The following ZNF536 variants were observed in gnomAD, a reference collection of about 807,000 sequenced individuals.
The protein encoded by ZNF536 is zinc finger protein 536.
ZNF536 carries 13 observed loss-of-function variants against 84.5 expected under a neutral mutation model. That is an observed-to-expected ratio of 0.15 (90% CI 0.10 to 0.24). The LOEUF (loss-of-function observed/expected upper bound fraction) is 0.24. Ranked by LOEUF, ZNF536 falls within the 10% of genes least tolerant of loss-of-function variation. ZNF536 has a pLI of 1.00. For synonymous variants in ZNF536, 811 were observed against 742.5 expected, an observed-to-expected ratio of 1.09 and a Z score of -1.50; for missense variants, 1,536 against 1,747.5, an observed-to-expected ratio of 0.88 and a Z score of 2.16.
chr19:30,309,562 G>C (rs2046437083), intron 2 of ZNF536, among the ~76,000 whole-genome samples: 2 of 152,218 alleles, frequency 1.3e-5, no homozygotes. Flanking sequence ...CTTGTGTGCT[G>C]TGAGTTCTTG....
chr19:30,428,405 T>G (rs138842760), intron 1 of ZNF536, among the ~76,000 whole-genome samples: 1 of 152,224 alleles, frequency 6.6e-6, no homozygotes, highest in Non-Finnish European at 1.5e-5. Flanking sequence ...AAGTTGCCCC[T>G]TGGGACTCAG....
chr19:30,264,628 T>G (rs2025403908), intron 1 of ZNF536, among the ~76,000 whole-genome samples: 2 of 152,184 alleles, frequency 1.3e-5, no homozygotes, highest in Non-Finnish European at 1.5e-5. Context: ...AAAACCTTTC[T>G]CCCACTTTCT....
At chr19:30,298,452 C>T (rs745907074) in intron 2 of ZNF536, among the ~76,000 whole-genome samples, 5 of 152,204 alleles carry the variant, frequency 3.3e-5, no homozygotes, top group African/African-American at 4.8e-5. Context: ...CTCTTGATGA[C>T]CATTTGCGTG....
At chr19:30,657,076 G>T (rs573547376) in intron 1 of ZNF536, among the ~76,000 whole-genome samples, 1 of 152,132 alleles carries the variant, frequency 6.6e-6, no homozygotes, top group African/African-American at 2.4e-5. Flanking sequence ...GGTGTGAAAA[G>T]TGTAGAAAGA....
At chr19:30,227,979 G>T (rs1292461746), upstream of ZNF536, among the ~76,000 whole-genome samples, 1 of 152,128 alleles carries the variant, frequency 6.6e-6, no homozygotes, top group Non-Finnish European at 1.5e-5. Flanking sequence ...AGCCCCGCGC[G>T]CCCTGACCTT....
chr19:30,526,491 G>A lies in ZNF536; in HGVS notation c.2171-8356G>A, dbSNP rs567334193. ...TGTAATCCCAGCACTTTGGGAGGCCGAGGCGGGCGGATCACGAGGTCAGGA... is the reference window on the plus strand; with the variant it reads ...TGTAATCCCAGCACTTTGGGAGGCCAAGGCGGGCGGATCACGAGGTCAGGA... On this transcript the variant is annotated intron_variant, in intron 2 of 4. Transcript: ENST00000355537. Among the ~76,000 whole-genome samples the A allele has an allele frequency of 8.7e-5, 13 of 149,538 alleles. 2 individuals are homozygous for A. The East Asian group carries it at 1.6e-3, about 18-fold the overall frequency.
intron 1 of ZNF536, among the ~76,000 whole-genome samples, chr19:30,283,737 GA>G (rs2045533561): frequency 1.4e-5 from 2 of 141,782 alleles, no homozygotes; most frequent in African/African-American, 5.6e-5. Context: ...GAAAGAGAGA[GA>G]GAGGGAGAGA....
intron 2 of ZNF536, among the ~76,000 whole-genome samples, chr19:30,456,624 G>A (rs2052859699): frequency 6.6e-6 from 1 of 152,130 alleles, no homozygotes; most frequent in African/African-American, 2.4e-5. Flanking sequence ...TGACTTATTT[G>A]TTCATTCATA....
Position 30,685,762 on chromosome 19 carries a change from G to T in ZNF536, c.170-24995G>T, listed in dbSNP as rs186678002. The stretch of plus-strand genomic sequence containing the variant: ...TGGGGGCACCGTCCCAGCCGCTGCC[G>T]CCGTCCTCCCCTCCATCATGGGCTG... On this transcript the variant is annotated intron_variant, in intron 1 of 1. Transcript: ENST00000592773. Among the ~76,000 whole-genome samples the T allele has an allele frequency of 1.4e-3, 218 of 152,248 alleles. 1 individual carries two copies. Among genetic ancestry groups the T allele is most frequent in the African/African-American group, 5.0e-3 (208 of 41,538 alleles).
At chr19:30,251,233 G>A (rs2024591769) in intron 1 of ZNF536, among the ~76,000 whole-genome samples, 1 of 152,026 alleles carries the variant, frequency 6.6e-6, no homozygotes, top group South Asian at 2.1e-4. Context: ...CATTTTCTGG[G>A]GCCAACGAGA....
intron 1 of ZNF536, among the ~76,000 whole-genome samples, chr19:30,692,867 T>C (rs1845174215): frequency 6.6e-6 from 1 of 152,210 alleles, no homozygotes; most frequent in South Asian, 2.1e-4. Flanking sequence ...GGCTTTTCTT[T>C]TGAAGTGTTT....
intron 2 of ZNF536, among the ~76,000 whole-genome samples, chr19:30,452,777 C>A (rs1449059670): frequency 6.6e-6 from 1 of 152,114 alleles, no homozygotes. Context: ...TGGACTGGAA[C>A]CTTTGCCATC....
At chr19:30,324,170 C>T (rs958688159) in intron 2 of ZNF536, among the ~76,000 whole-genome samples, 8 of 152,050 alleles carry the variant, frequency 5.3e-5, no homozygotes, top group Admixed American at 5.2e-4. Flanking sequence ...CCCATCCATT[C>T]ATCATCATCC....
At chr19:30,597,151 G>A (rs770470001) in intron 1 of ZNF536, among the ~76,000 whole-genome samples, 8 of 152,338 alleles carry the variant, frequency 5.3e-5, no homozygotes, top group African/African-American at 1.7e-4. Context: ...GCACCAGTGC[G>A]CAAGCATGCA....
chr19:30,265,382 C>T (rs1265211187), intron 1 of ZNF536, among the ~76,000 whole-genome samples: 5 of 152,166 alleles, frequency 3.3e-5, no homozygotes, highest in African/African-American at 1.2e-4. Flanking sequence ...CCTCCCGCTC[C>T]TGCAGGTCAG....
At chr19:30,225,837 G>C (rs934700569), upstream of ZNF536, among the ~76,000 whole-genome samples, 39 of 148,390 alleles carry the variant, frequency 2.6e-4, no homozygotes, top group African/African-American at 9.1e-4. Context: ...TCCCCATCTC[G>C]GCGAGGCCTG....
chr19:30,542,567 ATTGT>A (rs1417466620), intron 3 of ZNF536, among the ~76,000 whole-genome samples: 2 of 152,042 alleles, frequency 1.3e-5, no homozygotes, highest in Non-Finnish European at 2.9e-5. Context: ...CTAGAAATTC[ATTGT>A]TTGGGCCCAC....
chr19:30,476,840 T>C (rs967574256), intron 2 of ZNF536, among the ~76,000 whole-genome samples: 1 of 152,220 alleles, frequency 6.6e-6, no homozygotes, highest in Non-Finnish European at 1.5e-5. Flanking sequence ...GCCTGCCTCT[T>C]GGACTCCAGG....
chr19:30,656,188 G>A (rs999702322), intron 1 of ZNF536, among the ~76,000 whole-genome samples: 3 of 152,112 alleles, frequency 2.0e-5, no homozygotes, highest in Non-Finnish European at 2.9e-5. Flanking sequence ...TGCTGTCCTT[G>A]GTGTTACTCA....
Sources: allele counts gnomAD v4.1 joint callset (sites outside exome capture counted in the v4.1 genomes callset), GRCh38; gene constraint gnomAD v4.1.1; transcripts MANE v1.5; gene names NCBI Gene and HGNC (gene_info 2026-07-23, HGNC 2026-07-21).